SGSM1: variants seen among roughly 807,000 people sequenced by gnomAD.
The protein encoded by SGSM1 is RUN and TBC1 domain containing 2.
Under a neutral mutation model 133.8 loss-of-function variants are expected in SGSM1, and 73 were observed. The ratio of observed to expected loss-of-function variants is 0.55; its 90% CI spans 0.45 to 0.66. The LOEUF is 0.66. Ranked by LOEUF, SGSM1 falls within the 30% of genes least tolerant of loss-of-function variation. The pLI, the probability that SGSM1 is intolerant of heterozygous loss-of-function variation, is 0.00. For missense variants in SGSM1, 1,213 were observed against 1,448.1 expected (o/e 0.84, Z 2.64); for synonymous variants, 563 against 573.0 (o/e 0.98, Z 0.25).
rs182922220 is a variant in SGSM1, at chr22:24,812,200, T to C, written c.63+5716T>C. On this transcript the variant is annotated intron_variant, in intron 2 of 24. Coordinates refer to ENST00000400358, the MANE Select transcript of SGSM1 (RefSeq NM_001098497.3). ...AAGAAAAAAAAAAAGAAAAGAAAAATTAGGCATTCCTAATTTCCTACGTGT... is the reference window on the plus strand; with the variant it reads ...AAGAAAAAAAAAAAGAAAAGAAAAACTAGGCATTCCTAATTTCCTACGTGT... Among the ~76,000 whole-genome samples the C allele has an allele frequency of 4.4e-3, 661 of 149,640 alleles. 1 individual carries two copies. The highest frequency in any genetic ancestry group is 6.6e-3 in the Non-Finnish European group (443 of 67,484).
At chr22:24,881,993 T>G (rs1266275564) in intron 14 of SGSM1, among the ~76,000 whole-genome samples, 1 of 151,974 alleles carries the variant, frequency 6.6e-6, no homozygotes, top group Non-Finnish European at 1.5e-5. Flanking sequence ...TGTCAGCATC[T>G]CCCTGGTTAC....
intron 5 of SGSM1, among the ~76,000 whole-genome samples, chr22:24,852,763 C>T (rs1601923022): frequency 6.6e-6 from 1 of 151,912 alleles, no homozygotes; most frequent in South Asian, 2.1e-4. Flanking sequence ...TATTTTGAGA[C>T]CCCTACTTGC....
chr22:24,868,386 C>T lies in SGSM1; in HGVS notation c.1005C>T (p.Gly335=), dbSNP rs61744681. Residue 335 remains glycine (G), a synonymous_variant, in exon 11 of 25, where the codon GGC becomes GGT. Coordinates refer to ENST00000400358, the MANE Select transcript of SGSM1 (RefSeq NM_001098497.3). ...YLHCHQQVDS[G]GTVVLVSQDG... ...TGGTGGTGGCGGCAGTTGACAGCGG[C>T]GGGACAGTGGTATTGGTCAGCCAGG... 15,175 of 1,608,526 alleles carry T rather than the reference C, an allele frequency of 9.4e-3. 102 individuals are homozygous for T. The highest frequency in any genetic ancestry group is 0.012 in the Non-Finnish European group (13,638 of 1,176,112).
chr22:24,811,067 G>C (rs1350267247), intron 2 of SGSM1, among the ~76,000 whole-genome samples: 1 of 152,160 alleles, frequency 6.6e-6, no homozygotes, highest in Non-Finnish European at 1.5e-5. Flanking sequence ...TTTAGTATGA[G>C]TATGTGTTGC....
chr22:24,851,442 G>T (rs1163495889), intron 5 of SGSM1, among the ~76,000 whole-genome samples: 1 of 137,552 alleles, frequency 7.3e-6, no homozygotes, highest in East Asian at 2.2e-4. Flanking sequence ...GGGAGGGGGG[G>T]GTGGGGGGAG....
intron 16 of SGSM1, among the ~76,000 whole-genome samples, chr22:24,892,889 A>G (rs1305850119): frequency 6.6e-6 from 1 of 151,082 alleles, no homozygotes; most frequent in Non-Finnish European, 1.5e-5. Context: ...TCTACTAAAA[A>G]AAAAAAAAAA....
At chr22:24,921,754 C>T (rs1934015713) in intron 24 of SGSM1, among the ~76,000 whole-genome samples, 1 of 150,568 alleles carries the variant, frequency 6.6e-6, no homozygotes, top group East Asian at 2.0e-4. Flanking sequence ...GGCTGGAGTA[C>T]AATGGCATGA....
At chr22:24,821,733 T>C (rs892277943) in intron 2 of SGSM1, among the ~76,000 whole-genome samples, 1 of 152,316 alleles carries the variant, frequency 6.6e-6, no homozygotes, top group African/African-American at 2.4e-5. Context: ...TTTCTTATTT[T>C]CCCCCCCAAA....
intron 9 of SGSM1, 45 bp from the exon 10 acceptor site, chr22:24,867,048 G>A: frequency 6.3e-7 from 1 of 1,598,186 alleles, no homozygotes; most frequent in Non-Finnish European, 8.5e-7. Context: ...CCGCACAGTG[G>A]GGTAGGCAGA....
chr22:24,822,681 C>T lies in SGSM1; in HGVS notation c.63+16197C>T, dbSNP rs186504478. Among the ~76,000 whole-genome samples, 383 of 152,212 alleles carry T rather than the reference C, an allele frequency of 2.5e-3. 2 individuals are homozygous for T. Among genetic ancestry groups the T allele is most frequent in the African/African-American group, 8.5e-3 (353 of 41,522 alleles). Reference sequence around the variant, plus strand: ...CAGAGGTGGAGCTGGCAGGTGCCACCGTCCCCTGGCTCTGGGAGCAGCAAG... The same window carrying T: ...CAGAGGTGGAGCTGGCAGGTGCCACTGTCCCCTGGCTCTGGGAGCAGCAAG... On this transcript the variant is annotated intron_variant, in intron 2 of 24. Transcript: ENST00000400358.
chr22:24,873,062 G>A (rs541828044), intron 12 of SGSM1, among the ~76,000 whole-genome samples: 1 of 151,698 alleles, frequency 6.6e-6, no homozygotes, highest in Non-Finnish European at 1.5e-5. Context: ...GGGCTCAGTC[G>A]ATCCTTCCAC....
chr22:24,894,963 G>A (rs1424915516), intron 17 of SGSM1, among the ~76,000 whole-genome samples: 1 of 152,180 alleles, frequency 6.6e-6, no homozygotes, highest in Admixed American at 6.5e-5. Flanking sequence ...TTACAGAGCA[G>A]TTAAAGGTGG....
In SGSM1 at chr22:24,893,514, G is replaced by A; in HGVS notation, c.1854G>A (p.Arg618=). 6.2e-7 allele frequency: 1 copy of A among 1,613,224 alleles called. No individual in the cohort carries two copies. Among genetic ancestry groups the A allele is most frequent in the Non-Finnish European group, 8.5e-7 (1 of 1,179,584 alleles). ...GCEAIVRQRE[R]ESHAAALAKC... is the part of the protein sequence containing the mutation. The stretch of plus-strand genomic sequence containing the variant: ...AGGCGATCGTGCGGCAGAGGGAGCG[G>A]GAGTCCCATGCGGCCGCCCTGGCCA... Residue 618 remains arginine, a synonymous_variant, in exon 17 of 25, where the codon CGG becomes CGA. Coordinates refer to ENST00000400358, the MANE Select transcript of SGSM1 (RefSeq NM_001098497.3).
intron 21 of SGSM1, among the ~76,000 whole-genome samples, chr22:24,905,768 G>GA (rs1933353821): frequency 7.0e-6 from 1 of 143,178 alleles, no homozygotes; most frequent in Non-Finnish European, 1.5e-5. Context: ...CAGCCTGGGA[G>GA]ACACAGCAAG....
chr22:24,858,654 A>AAAAAAAAAAAAAAAAG (rs1268815477), intron 8 of SGSM1, among the ~76,000 whole-genome samples: 1 of 142,722 alleles, frequency 7.0e-6, no homozygotes. Context: ...AAAAAAAAAA[A>AAAAAAAAAAAAAAAAG]AAGAAGAAAG....
chr22:24,826,837 T>C (rs935609850), intron 2 of SGSM1, among the ~76,000 whole-genome samples: 1 of 152,112 alleles, frequency 6.6e-6, no homozygotes, highest in African/African-American at 2.4e-5. Flanking sequence ...GTTCAAGTGC[T>C]GTGTATGTTT....
intron 14 of SGSM1, among the ~76,000 whole-genome samples, chr22:24,883,150 C>T (rs1450900361): frequency 1.3e-5 from 2 of 151,968 alleles, no homozygotes; most frequent in Admixed American, 6.6e-5. Context: ...GTGATCCGCC[C>T]GCCTCAGTCT....
At chr22:24,899,609 G>A (rs1305544387) in intron 19 of SGSM1, among the ~76,000 whole-genome samples, 2 of 149,772 alleles carry the variant, frequency 1.3e-5, no homozygotes, top group African/African-American at 4.9e-5. Context: ...TGCAACCTCT[G>A]CGTCCCGAAT....
chr22:24,907,933 A>AAAAAG (rs60386136), intron 21 of SGSM1, among the ~76,000 whole-genome samples: 3,405 of 109,558 alleles, frequency 0.031, 459 homozygotes, highest in African/African-American at 0.092. Flanking sequence ...AAAAAAAAAA[A>AAAAAG]AAGATGTTGC....
Sources: allele counts gnomAD v4.1 joint callset (sites outside exome capture counted in the v4.1 genomes callset), GRCh38; gene constraint gnomAD v4.1.1; transcripts MANE v1.5; gene names NCBI Gene and HGNC (gene_info 2026-07-23, HGNC 2026-07-21).